The following CRIM1 variants were observed in gnomAD, a reference collection of about 807,000 sequenced individuals.
CRIM1 encodes cysteine-rich motor neuron 1 protein.
A neutral mutation model predicts 116.4 loss-of-function variants in CRIM1; 32 were observed. The ratio of observed to expected loss-of-function variants is 0.27; its 90% CI spans 0.21 to 0.37. The LOEUF (loss-of-function observed/expected upper bound fraction) is 0.37. Ranked by LOEUF, CRIM1 falls within the 10% of genes least tolerant of loss-of-function variation. The pLI, the probability that CRIM1 is intolerant of heterozygous loss-of-function variation, is 1.00. For missense variants in CRIM1, 1,331 were observed against 1,354.8 expected, an observed-to-expected ratio of 0.98 and a Z score of 0.28; for synonymous variants, 590 against 509.2, an observed-to-expected ratio of 1.16 and a Z score of -2.13.
chr2:36,361,324 T>C (rs1050062173), intron 1 of CRIM1, among the ~76,000 whole-genome samples: 1 of 152,166 alleles, frequency 6.6e-6, no homozygotes, highest in South Asian at 2.1e-4. Flanking sequence ...CAGATTAATA[T>C]ATGAAGAAAA....
chr2:36,423,911 A>G (rs536090344), intron 2 of CRIM1, among the ~76,000 whole-genome samples: 1 of 152,224 alleles, frequency 6.6e-6, no homozygotes. Context: ...AAGCTAGGAA[A>G]GGTGACTGAG....
chr2:36,403,769 A>G (rs1042037078), intron 2 of CRIM1, among the ~76,000 whole-genome samples: 2 of 152,124 alleles, frequency 1.3e-5, no homozygotes, highest in African/African-American at 4.8e-5. Context: ...ATTTATTAGA[A>G]TGTGAAATAC....
At chr2:36,430,902 C>T (rs1265783659) in intron 2 of CRIM1, among the ~76,000 whole-genome samples, 2 of 152,172 alleles carry the variant, frequency 1.3e-5, no homozygotes, top group Non-Finnish European at 2.9e-5. Context: ...ATCCACACAT[C>T]TTGAATGTAG....
chr2:36,389,268 A>AG (rs1449882318), intron 1 of CRIM1, among the ~76,000 whole-genome samples: 1 of 152,186 alleles, frequency 6.6e-6, no homozygotes, highest in Non-Finnish European at 1.5e-5. Context: ...AAGCAGAGAG[A>AG]ATGAAAGCAG....
chr2:36,501,240 G>A (rs1161586724), intron 8 of CRIM1, among the ~76,000 whole-genome samples: 2 of 152,142 alleles, frequency 1.3e-5, no homozygotes, highest in Admixed American at 1.3e-4. Context: ...AACGTAGACA[G>A]ATGCTCACTT....
intron 2 of CRIM1, among the ~76,000 whole-genome samples, chr2:36,397,972 A>G (rs1672147968): frequency 6.6e-6 from 1 of 152,168 alleles, no homozygotes; most frequent in Non-Finnish European, 1.5e-5. Flanking sequence ...TTCCTGTCAC[A>G]TCATGACTTA....
intron 2 of CRIM1, among the ~76,000 whole-genome samples, chr2:36,407,437 G>A (rs1672895148): frequency 6.6e-6 from 1 of 152,056 alleles, no homozygotes; most frequent in African/African-American, 2.4e-5. Context: ...TTTTGTTACA[G>A]ATACAAATTT....
At chr2:36,398,145 G>A (rs1377827647) in intron 2 of CRIM1, among the ~76,000 whole-genome samples, 4 of 152,116 alleles carry the variant, frequency 2.6e-5, no homozygotes, top group East Asian at 1.9e-4. Flanking sequence ...AATAATTTAC[G>A]CATACACATT....
intron 13 of CRIM1, among the ~76,000 whole-genome samples, chr2:36,530,799 C>G (rs548709670): frequency 1.4e-4 from 21 of 152,264 alleles, no homozygotes; most frequent in African/African-American, 5.1e-4. Flanking sequence ...ACTTAAGAAC[C>G]CAAACTGTAA....
intron 8 of CRIM1, among the ~76,000 whole-genome samples, chr2:36,503,354 A>G (rs1002268583): frequency 3.9e-5 from 6 of 152,224 alleles, no homozygotes; most frequent in Admixed American, 3.9e-4. Flanking sequence ...CTGTGTCCAC[A>G]TATGTAAAGG....
chr2:36,545,021 C>A (rs1485751390), intron 15 of CRIM1, among the ~76,000 whole-genome samples: 2 of 152,154 alleles, frequency 1.3e-5, no homozygotes, highest in African/African-American at 4.8e-5. Flanking sequence ...TCCTTTCAGT[C>A]TGTGCGTAAT....
At chr2:36,501,076 G>C (rs953369130) in intron 8 of CRIM1, among the ~76,000 whole-genome samples, 3 of 152,062 alleles carry the variant, frequency 2.0e-5, no homozygotes, top group Admixed American at 6.6e-5. Flanking sequence ...GTAGTTTTTA[G>C]AACACTTTGT....
At chr2:36,376,898 G>T (rs1670362757) in intron 1 of CRIM1, among the ~76,000 whole-genome samples, 1 of 152,224 alleles carries the variant, frequency 6.6e-6, no homozygotes, top group South Asian at 2.1e-4. Context: ...GGATGGAGTT[G>T]TGGGATTTTG....
chr2:36,499,239 G>C lies in CRIM1; in HGVS notation c.1393G>C (p.Asp465His). ...VCEEPTIITV[D>H]PPACGELSNC... ...ATTAGAACCAACCATCATCACAGTT[G>C]ATCCACCTGCATGTGGGGAGTTATC... Residue 465 changes from aspartate (D) to histidine (H), a missense_variant, in exon 8 of 17, where the codon GAT (aspartate) becomes CAT (histidine). Asp to His is a moderately conservative substitution (Grantham distance 81). This residue lies in a region of CRIM1 where 690 missense variants were observed against 676.0 expected (regional missense o/e 1.02). Coordinates refer to ENST00000280527, the MANE Select transcript of CRIM1 (RefSeq NM_016441.3). 1 of 1,611,518 alleles carries C rather than the reference G, an allele frequency of 6.2e-7. No homozygotes were observed. Among genetic ancestry groups the C allele is most frequent in the Non-Finnish European group, 8.5e-7 (1 of 1,177,704 alleles).
Position 36,549,754 on chromosome 2 carries a change from TCTTTAAA to T in CRIM1, c.*1059_*1065del, listed in dbSNP as rs1384876037. ...GTTGAAGCTCAAAAAAAATGATGCC[TCTTTAAA>T]CTTTAGCAATTATAGGAGTATTTAT... On this transcript the variant is annotated 3_prime_UTR_variant, in exon 17 of 17. Transcript: ENST00000280527. 7.2e-5 allele frequency: 11 copies of T among 152,350 alleles called. No individual in the cohort carries two copies. The highest frequency in any genetic ancestry group is 7.2e-4 in the Admixed American group (11 of 15,236). 9.4% of individuals were successfully genotyped at this position (152,350 alleles called of 1,614,324 possible).
intron 1 of CRIM1, among the ~76,000 whole-genome samples, chr2:36,393,580 C>T (rs918894782): frequency 1.3e-5 from 2 of 152,038 alleles, no homozygotes; most frequent in Admixed American, 1.3e-4. Context: ...CATAAAACCA[C>T]TATGGTAGGG....
At chr2:36,413,285 T>C (rs1349904263) in intron 2 of CRIM1, among the ~76,000 whole-genome samples, 1 of 152,186 alleles carries the variant, frequency 6.6e-6, no homozygotes, top group Admixed American at 6.5e-5. Flanking sequence ...CTTTGAAATA[T>C]GTAAGCCCTT....
chr2:36,372,233 A>C (rs1027710285), intron 1 of CRIM1, among the ~76,000 whole-genome samples: 1 of 152,194 alleles, frequency 6.6e-6, no homozygotes, highest in African/African-American at 2.4e-5. Context: ...GGAATTCCAT[A>C]GGAATGCACT....
intron 14 of CRIM1, among the ~76,000 whole-genome samples, chr2:36,537,919 C>T (rs898896955): frequency 1.3e-5 from 2 of 152,200 alleles, no homozygotes; most frequent in African/African-American, 4.8e-5. Context: ...GCTTAAAAGC[C>T]ATTACACTGT....
Sources: gnomAD v4.1 joint callset for allele counts (sites outside exome capture counted in the v4.1 genomes callset) on GRCh38, gnomAD v4.1.1 for gene constraint, gnomAD v4.1.1 regional missense constraint, MANE v1.5 for transcripts, NCBI Gene and HGNC (gene_info 2026-07-23, HGNC 2026-07-21) for gene names.